Variants in ACOT7 observed in about 807,000 individuals in gnomAD.
ACOT7 encodes the protein acyl-CoA thioesterase 7.
ACOT7 carries 12 observed loss-of-function variants against 40.2 expected under a neutral mutation model. The ratio of observed to expected loss-of-function variants is 0.30; its 90% CI spans 0.19 to 0.48. The LOEUF is 0.48. Among genes scored for constraint, ACOT7 ranks in the 20% least tolerant of loss-of-function variants. ACOT7 has a pLI of 0.99. For synonymous variants in ACOT7, 228 were observed against 219.5 expected, an observed-to-expected ratio of 1.04 and a Z score of -0.34; for missense variants, 395 against 530.8, an observed-to-expected ratio of 0.74 and a Z score of 2.51.
At chr1:6,337,211 C>T (rs994562112) in intron 3 of ACOT7, among the ~76,000 whole-genome samples, 1 of 152,210 alleles carries the variant, frequency 6.6e-6, no homozygotes, top group South Asian at 2.1e-4. Context: ...AGGAGAAGGC[C>T]GAGGGCTGTG....
intron 8 of ACOT7, among the ~76,000 whole-genome samples, chr1:6,265,289 G>A (rs756296513): frequency 3.3e-5 from 5 of 151,994 alleles, no homozygotes; most frequent in Non-Finnish European, 5.9e-5. Flanking sequence ...CACGGTCACC[G>A]CCCCGGAGAG....
In ACOT7 at chr1:6,289,865, C is replaced by T. The variant is rs146084159; in HGVS notation, c.829+4999G>A. Among the ~76,000 whole-genome samples the T allele has an allele frequency of 6.6e-6, 1 of 152,290 alleles. No individual in the cohort carries two copies. Among genetic ancestry groups the T allele is most frequent in the African/African-American group, 2.4e-5 (1 of 41,550 alleles). On this transcript the variant is annotated intron_variant, in intron 7 of 8. Transcript: ENST00000361521. The surrounding 1 kb of genome is among the most constrained non-coding windows in gnomAD (Gnocchi z 4.6). The stretch of plus-strand genomic sequence containing the variant: ...TTCTAATAAAATATGCTGAAATGGG[C>T]ACATCAGAAAACCCCCTTCCACCTG...
intron 8 of ACOT7, 51 bp downstream of exon 8, chr1:6,281,051 C>A: frequency 6.3e-7 from 1 of 1,583,648 alleles, no homozygotes; most frequent in Non-Finnish European, 8.5e-7. Flanking sequence ...ACACAGGGAC[C>A]CTAGGGCTGC....
Position 6,363,371 on chromosome 1 carries a change from C to T in ACOT7, c.144-13505G>A, listed in dbSNP as rs546081700. On this transcript the variant is annotated intron_variant, in intron 1 of 8. Transcript: ENST00000361521. ...CAGGAAAGGGAGTCTCCCTTTCCCC[C>T]GGGGAGTTTAGAGAAGACTACTCCT... 7.6e-4 allele frequency among the ~76,000 whole-genome samples: 115 copies of T among 152,162 alleles called. No individual in the cohort carries two copies. In the East Asian group the frequency reaches 9.9e-3, roughly 13 times the overall value.
chr1:6,335,586 A>G (rs941352513), intron 3 of ACOT7, among the ~76,000 whole-genome samples: 5 of 152,240 alleles, frequency 3.3e-5, no homozygotes, highest in Non-Finnish European at 7.4e-5. Context: ...AAAGGGAGAC[A>G]GGAGCAGCCC....
Position 6,393,612 on chromosome 1 carries a change from G to T in ACOT7, c.-213C>A, listed in dbSNP as rs952967296. On this transcript the variant is annotated 5_prime_UTR_variant, in exon 1 of 9. Transcript: ENST00000361521. ...GGCAGCCGCCGCTTCCAGAAGGTTC[G>T]GTGGCGGTTGGGCCGCGCCGGTGCG... The T allele has an allele frequency of 2.8e-6, 1 of 352,662 alleles. No homozygotes were observed. The highest frequency in any genetic ancestry group is 2.2e-5 in the African/African-American group (1 of 46,294). The allele number at this position is 352,662 out of a possible 1,614,324, so 21.8% of individuals were successfully genotyped here. A position where few individuals can be genotyped will look rare whatever the true frequency, so the allele number is the denominator to read the frequency against.
chr1:6,391,308 C>G (rs747864463), intron 1 of ACOT7, among the ~76,000 whole-genome samples: 4 of 152,016 alleles, frequency 2.6e-5, no homozygotes, highest in Non-Finnish European at 5.9e-5. Flanking sequence ...GAGTTCGAGA[C>G]CAGCCTGGCC....
In ACOT7 at chr1:6,359,143, G is replaced by C. The variant is rs920241361; in HGVS notation, c.144-9277C>G. 6 of 301,142 alleles carry C rather than the reference G, an allele frequency of 2.0e-5. No individual in the cohort carries two copies. The highest frequency in any genetic ancestry group is 3.8e-5 in the Non-Finnish European group (6 of 159,592). The allele number at this position is 301,142 out of a possible 1,614,324, so 18.7% of individuals were successfully genotyped here. On this transcript the variant is annotated intron_variant, in intron 1 of 8. Coordinates refer to ENST00000361521, the MANE Select transcript of ACOT7 (RefSeq NM_007274.4). The surrounding 1 kb of genome is among the most constrained non-coding windows in gnomAD (Gnocchi z 4.1). ...ATGCCAGGAGATCAGGAAGGCAGAG[G>C]GGCCGCTGCTGAGCGGCCTCAGGGA...
chr1:6,305,498 T>TTC (rs1640118792), intron 6 of ACOT7, among the ~76,000 whole-genome samples: 1 of 130,594 alleles, frequency 7.7e-6, no homozygotes, highest in Non-Finnish European at 1.6e-5. Flanking sequence ...CGGAGGGGCT[T>TTC]CTCACTTCTC....
At chr1:6,390,630 T>C (rs1162359654) in intron 1 of ACOT7, among the ~76,000 whole-genome samples, 1 of 149,902 alleles carries the variant, frequency 6.7e-6, no homozygotes, top group Non-Finnish European at 1.5e-5. Context: ...TGGTTTACAG[T>C]GGGTAAGAAA....
chr1:6,392,932 C>T (rs1642557573), intron 1 of ACOT7, among the ~76,000 whole-genome samples: 1 of 152,096 alleles, frequency 6.6e-6, no homozygotes, highest in Non-Finnish European at 1.5e-5. Flanking sequence ...GCGCCGGTCG[C>T]CGGGCTCTGG....
chr1:6,383,615 A>G (rs1227573994), intron 1 of ACOT7, among the ~76,000 whole-genome samples: 1 of 150,414 alleles, frequency 6.6e-6, no homozygotes, highest in Non-Finnish European at 1.5e-5. Flanking sequence ...AGCTCACTAC[A>G]GCCTCAACTT....
At position 6,278,878 on chromosome 1, in the gene ACOT7, G is replaced by A. The variant is rs578082788; in HGVS notation, c.1014+2224C>T. ...ACAGGGAGCGGACAGCAGACAGGGC[G>A]TGTCCTTGCGTCTGTCCATGCTGCC... On this transcript the variant is annotated intron_variant, in intron 8 of 8. Transcript: ENST00000361521. This position sits in a 1 kb window ranked among gnomAD's most constrained non-coding sequence, Gnocchi z 4.1. 9.7e-4 allele frequency among the ~76,000 whole-genome samples: 147 copies of A among 152,326 alleles called. 2 individuals carry two copies. The highest frequency in any genetic ancestry group is 3.4e-3 in the African/African-American group (141 of 41,560).
intron 1 of ACOT7, among the ~76,000 whole-genome samples, chr1:6,357,343 G>A (rs532358493): frequency 2.7e-4 from 41 of 152,346 alleles, no homozygotes; most frequent in African/African-American, 9.6e-4. Flanking sequence ...GGAAGCTAAA[G>A]TGCCCACCTG....
chr1:6,342,052 A>C (rs530561329), intron 2 of ACOT7, among the ~76,000 whole-genome samples: 2 of 152,326 alleles, frequency 1.3e-5, no homozygotes, highest in South Asian at 4.1e-4. Context: ...TGCCAGAACA[A>C]AATGCCATAG....
intron 6 of ACOT7, among the ~76,000 whole-genome samples, chr1:6,296,134 G>A (rs1305709009): frequency 4.6e-5 from 7 of 151,840 alleles, no homozygotes; most frequent in Non-Finnish European, 8.8e-5. Context: ...GGACTGAAAC[G>A]ATCTGCCCAC....
intron 6 of ACOT7, among the ~76,000 whole-genome samples, chr1:6,303,916 G>A (rs57107617): frequency 6.6e-6 from 1 of 152,134 alleles, no homozygotes; most frequent in East Asian, 1.9e-4. Flanking sequence ...AAGCAGGGAA[G>A]GGGGGAGGTC....
intron 3 of ACOT7, 86 bp downstream of exon 3, chr1:6,339,347 T>C: frequency 3.1e-6 from 5 of 1,588,082 alleles, no homozygotes; most frequent in Non-Finnish European, 4.3e-6. Flanking sequence ...GGCCAGGCCC[T>C]GGAGCGTCCT....
chr1:6,295,014 C>T (rs367613034), intron 6 of ACOT7, 34 bp from the exon 7 acceptor site: 48 of 1,514,734 alleles, frequency 3.2e-5, no homozygotes, highest in African/African-American at 5.5e-5. Context: ...AGATGAGACA[C>T]GGAGGCAGAG....
Sources: gnomAD v4.1 joint callset for allele counts (sites outside exome capture counted in the v4.1 genomes callset) on GRCh38, gnomAD v4.1.1 for gene constraint, Gnocchi (gnomAD v3.1) non-coding constraint, MANE v1.5 for transcripts, NCBI Gene and HGNC (gene_info 2026-07-23, HGNC 2026-07-21) for gene names.